JADE3: variants seen among roughly 807,000 people sequenced by gnomAD.
JADE3 encodes protein Jade-3.
A neutral mutation model predicts 50.1 loss-of-function variants in JADE3; 2 were observed. The observed-to-expected ratio is 0.04, with a 90% confidence interval of 0.02 to 0.13. The LOEUF is 0.13. Ranked by LOEUF, JADE3 falls within the 10% of genes least tolerant of loss-of-function variation. JADE3 has a pLI of 1.00. For synonymous variants in JADE3, 218 were observed against 232.9 expected (o/e 0.94, Z 0.58); for missense variants, 475 against 634.4 (o/e 0.75, Z 2.70).
intron 7 of JADE3, among the ~76,000 whole-genome samples, chrX:47,034,875 A>G (rs1929100367): frequency 9.2e-6 from 1 of 108,425 alleles, no homozygotes; most frequent in Non-Finnish European, 1.9e-5. Flanking sequence ...AGGCCTCCCA[A>G]AGTGCTGGGA....
At chrX:47,044,092 T>G (rs1407032909) in intron 8 of JADE3, among the ~76,000 whole-genome samples, 1 of 111,165 alleles carries the variant, frequency 9.0e-6, no homozygotes, top group African/African-American at 3.3e-5. Flanking sequence ...GAGAGAGAGA[T>G]CAGAGTAGAA....
intron 6 of JADE3, among the ~76,000 whole-genome samples, chrX:47,033,183 G>A (rs1556367129): frequency 8.9e-6 from 1 of 112,144 alleles, no homozygotes; most frequent in African/African-American, 3.2e-5. Flanking sequence ...CAGTTCATTT[G>A]CTCCTCAGAA....
intron 1 of JADE3, among the ~76,000 whole-genome samples, chrX:46,921,975 T>C (rs1926231697): frequency 9.3e-6 from 1 of 107,517 alleles, no homozygotes; most frequent in Admixed American, 1.0e-4. Flanking sequence ...AATGTGCAGG[T>C]CTGCCACATA....
intron 5 of JADE3, among the ~76,000 whole-genome samples, chrX:47,025,891 T>G (rs1556365405): frequency 8.9e-6 from 1 of 112,441 alleles, no homozygotes; most frequent in African/African-American, 3.2e-5. Flanking sequence ...CCCTTTTTCC[T>G]TTCTTTCTTT....
intron 1 of JADE3, among the ~76,000 whole-genome samples, chrX:46,940,153 T>C (rs1225094521): frequency 1.8e-5 from 2 of 112,486 alleles, no homozygotes. Flanking sequence ...ATCTGAACTG[T>C]GTGAAAAGGG....
At chrX:47,050,979 C>T (rs991420591) in intron 8 of JADE3, among the ~76,000 whole-genome samples, 12 of 111,896 alleles carry the variant, frequency 1.1e-4, no homozygotes, top group African/African-American at 3.9e-4. Flanking sequence ...TTTCATCATC[C>T]TCATTTTCGA....
intron 4 of JADE3, among the ~76,000 whole-genome samples, chrX:47,015,303 C>T (rs781799755): frequency 3.6e-5 from 4 of 111,729 alleles, no homozygotes; most frequent in Non-Finnish European, 7.5e-5. Context: ...TGAATCTGGC[C>T]GGGTGTGGTG....
chrX:47,007,368 G>A (rs1322026515), intron 4 of JADE3, among the ~76,000 whole-genome samples: 2 of 111,538 alleles, frequency 1.8e-5, no homozygotes, highest in Non-Finnish European at 3.8e-5. Context: ...CAATTATTGA[G>A]AGAGGTTGAG....
At chrX:47,020,704 T>C (rs1195378378) in intron 4 of JADE3, among the ~76,000 whole-genome samples, 2 of 112,583 alleles carry the variant, frequency 1.8e-5, no homozygotes, top group Non-Finnish European at 3.7e-5. Flanking sequence ...GCTGTCATTA[T>C]CATTATTGTA....
rs147697865 is a variant in JADE3, at chrX:47,040,797, C to A, written c.972+1732C>A. 2.0e-4 allele frequency among the ~76,000 whole-genome samples: 22 copies of A among 110,991 alleles called. 1 individual carries two copies. Among genetic ancestry groups the A allele is most frequent in the African/African-American group, 6.9e-4 (21 of 30,606 alleles). ...GTCTGGCATGATAATATTTTCCAGG[C>A]TTATCGTGTAGATTTCTTGCTCTAG... is the stretch of plus-strand genomic sequence containing the variant. On this transcript the variant is annotated intron_variant, in intron 8 of 10. Coordinates refer to ENST00000614628, the MANE Select transcript of JADE3 (RefSeq NM_014735.5).
chrX:47,052,217 C>G lies in JADE3; in HGVS notation c.973-1941C>G, dbSNP rs782651859. ...CCAGGTCCTTCCCCCTTTGCCCCCC[C>G]CTATGAATAGTCAGTACATACTGCA... On this transcript the variant is annotated intron_variant, in intron 8 of 10. Coordinates refer to ENST00000614628, the MANE Select transcript of JADE3 (RefSeq NM_014735.5). 2.9e-4 allele frequency among the ~76,000 whole-genome samples: 32 copies of G among 109,693 alleles called. 1 individual carries two copies. The highest frequency in any genetic ancestry group is 8.5e-4 in the East Asian group (3 of 3,509).
At chrX:46,985,664 T>C (rs1556354313) in intron 2 of JADE3, 49 bp from the exon 3 acceptor site, 2 of 778,259 alleles carry the variant, frequency 2.6e-6, no homozygotes, top group South Asian at 2.2e-5. Context: ...CATTTAGTTA[T>C]ATTAATAGGT....
intron 7 of JADE3, among the ~76,000 whole-genome samples, chrX:47,034,432 A>G (rs781954732): frequency 1.8e-5 from 2 of 110,867 alleles, no homozygotes; most frequent in Admixed American, 9.6e-5. Context: ...GTGTATATCA[A>G]TAGTTTATTC....
chrX:46,920,620 A>G (rs1926201102), intron 1 of JADE3, among the ~76,000 whole-genome samples: 1 of 112,656 alleles, frequency 8.9e-6, no homozygotes, highest in South Asian at 3.7e-4. Flanking sequence ...GAAATTACCA[A>G]ACTATGTTCC....
intron 4 of JADE3, among the ~76,000 whole-genome samples, chrX:47,008,127 C>T (rs1928478725): frequency 9.0e-6 from 1 of 111,468 alleles, no homozygotes; most frequent in Non-Finnish European, 1.9e-5. Flanking sequence ...AAAGAAATAG[C>T]TAACCATGGG....
At chrX:46,915,101 C>T (rs1195336873) in intron 1 of JADE3, among the ~76,000 whole-genome samples, 5 of 111,761 alleles carry the variant, frequency 4.5e-5, no homozygotes, top group African/African-American at 1.6e-4. Flanking sequence ...TTCTTTCTGC[C>T]CACTGCTTTG....
intron 4 of JADE3, among the ~76,000 whole-genome samples, chrX:47,003,403 G>A (rs1416755887): frequency 9.2e-6 from 1 of 108,705 alleles, no homozygotes; most frequent in African/African-American, 3.3e-5. Context: ...CAGTCACATT[G>A]GGGGTTAAAT....
chrX:47,060,303 T>A lies in JADE3; in HGVS notation c.*1226T>A, dbSNP rs1301556362. Reference sequence around the variant, plus strand: ...AATAAGAGAGAAATGATGCCGTTTTTTAAATGTGAAGCAGACTATAATTCT... The same window carrying A: ...AATAAGAGAGAAATGATGCCGTTTTATAAATGTGAAGCAGACTATAATTCT... On this transcript the variant is annotated 3_prime_UTR_variant, in exon 11 of 11. Coordinates refer to ENST00000614628, the MANE Select transcript of JADE3 (RefSeq NM_014735.5). The A allele has an allele frequency of 9.0e-6, 1 of 111,376 alleles. No individual in the cohort carries two copies. The highest frequency in any genetic ancestry group is 1.9e-5 in the Non-Finnish European group (1 of 52,990). The allele number at this position is 111,376 out of a possible 1,213,427, so 9.2% of individuals were successfully genotyped here.
chrX:47,052,619 G>T (rs1227498415), intron 8 of JADE3, among the ~76,000 whole-genome samples: 1 of 70,976 alleles, frequency 1.4e-5, no homozygotes, highest in Non-Finnish European at 2.4e-5. Context: ...CAGCAACAGA[G>T]TGAGACTCTG....
Sources: gnomAD v4.1 joint callset for allele counts (sites outside exome capture counted in the v4.1 genomes callset) on GRCh38, gnomAD v4.1.1 for gene constraint, MANE v1.5 for transcripts, NCBI Gene and HGNC (gene_info 2026-07-23, HGNC 2026-07-21) for gene names.